The following CDC42SE2 variants were observed in gnomAD, a reference collection of about 807,000 sequenced individuals.
CDC42SE2 encodes CDC42 small effector protein 2.
CDC42SE2 carries 3 observed loss-of-function variants against 11.5 expected under a neutral mutation model. The ratio of observed to expected loss-of-function variants is 0.26; its 90% confidence interval spans 0.12 to 0.67. The LOEUF is 0.67. Among genes scored for constraint, CDC42SE2 ranks in the 30% least tolerant of loss-of-function variants. CDC42SE2 has a pLI of 0.80. For missense variants in CDC42SE2, 82 were observed against 106.8 expected, an observed-to-expected ratio of 0.77 and a Z score of 1.02; for synonymous variants, 33 against 34.8, an observed-to-expected ratio of 0.95 and a Z score of 0.18.
At chr5:131,230,922 T>C in the CDC42SE2 span, among the ~76,000 whole-genome samples, 1 of 152,236 alleles carries the variant, frequency 6.6e-6, no homozygotes, top group Non-Finnish European at 1.5e-5. Context: ...ATTTCTGCTA[T>C]AAAGCCTACT....
At chr5:131,214,164 TAAAG>T in the CDC42SE2 span, among the ~76,000 whole-genome samples, 1 of 152,224 alleles carries the variant, frequency 6.6e-6, no homozygotes, top group African/African-American at 2.4e-5. Flanking sequence ...TTTAGTGTCT[TAAAG>T]AAATAACCAG....
intron 1 of CDC42SE2, among the ~76,000 whole-genome samples, chr5:131,269,623 G>A (rs1200485970): frequency 6.6e-6 from 1 of 152,128 alleles, no homozygotes; most frequent in African/African-American, 2.4e-5. Context: ...AATTAGCCAA[G>A]CATGGTGGCA....
chr5:131,252,825 C>A (rs576906969), intron 1 of CDC42SE2, among the ~76,000 whole-genome samples: 2 of 152,214 alleles, frequency 1.3e-5, no homozygotes, highest in Non-Finnish European at 2.9e-5. Flanking sequence ...TATTCTTCTA[C>A]GCACAGAGAA....
At chr5:131,220,106 G>T in the CDC42SE2 span, among the ~76,000 whole-genome samples, 2 of 152,154 alleles carry the variant, frequency 1.3e-5, no homozygotes, top group Non-Finnish European at 2.9e-5. Flanking sequence ...ATACATGTAG[G>T]TTGTCAGCGC....
chr5:131,219,518 A>G, the CDC42SE2 span, among the ~76,000 whole-genome samples: 1 of 152,140 alleles, frequency 6.6e-6, no homozygotes, highest in African/African-American at 2.4e-5. Context: ...ACTTCCCTCT[A>G]TGATAGTGAA....
chr5:131,352,907 T>C (rs1054930086), intron 2 of CDC42SE2, among the ~76,000 whole-genome samples: 3 of 152,334 alleles, frequency 2.0e-5, no homozygotes, highest in African/African-American at 7.2e-5. Flanking sequence ...TCACTCGTAC[T>C]TAATTCTGTG....
chr5:131,279,523 TTTAC>T (rs1757191444), intron 1 of CDC42SE2, among the ~76,000 whole-genome samples: 1 of 151,150 alleles, frequency 6.6e-6, no homozygotes, highest in Non-Finnish European at 1.5e-5. Context: ...TTTTTCTGCT[TTTAC>T]TTATTACCCT....
At chr5:131,354,890 C>G (rs560079549) in intron 2 of CDC42SE2, 1 of 152,106 alleles carries the variant, frequency 6.6e-6, no homozygotes, top group East Asian at 1.9e-4. Flanking sequence ...GCTATGTTGC[C>G]TAGGCTAGTC....
At chr5:131,247,999 AT>A (rs1204403361) in intron 1 of CDC42SE2, among the ~76,000 whole-genome samples, 7 of 151,954 alleles carry the variant, frequency 4.6e-5, no homozygotes, top group Non-Finnish European at 1.0e-4. Flanking sequence ...ATTATTTACA[AT>A]TTTTTAAATA....
intron 3 of CDC42SE2, among the ~76,000 whole-genome samples, chr5:131,367,104 A>T (rs1749881824): frequency 6.6e-6 from 1 of 151,464 alleles, no homozygotes; most frequent in Admixed American, 6.6e-5. Context: ...AATCAAATAT[A>T]TATGTGTGTG....
At chr5:131,321,200 G>C (rs1758179385) in intron 2 of CDC42SE2, among the ~76,000 whole-genome samples, 1 of 152,080 alleles carries the variant, frequency 6.6e-6, no homozygotes, top group Non-Finnish European at 1.5e-5. Context: ...TGTAGCTTTT[G>C]GGTTTAGTTC....
At chr5:131,251,369 A>C (rs1756637353) in intron 1 of CDC42SE2, among the ~76,000 whole-genome samples, 1 of 152,210 alleles carries the variant, frequency 6.6e-6, no homozygotes, top group African/African-American at 2.4e-5. Flanking sequence ...TTTCAAGAAA[A>C]CTTTCATCTT....
the CDC42SE2 span, among the ~76,000 whole-genome samples, chr5:131,225,441 A>T: frequency 6.6e-6 from 1 of 152,346 alleles, no homozygotes; most frequent in South Asian, 2.1e-4. Flanking sequence ...TTTCTGAAAA[A>T]CAAACACAGA....
chr5:131,233,364 T>A, the CDC42SE2 span, among the ~76,000 whole-genome samples: 1 of 152,360 alleles, frequency 6.6e-6, no homozygotes, highest in African/African-American at 2.4e-5. Context: ...ATGTCTTTGC[T>A]ACTAAAAACA....
intron 4 of CDC42SE2, among the ~76,000 whole-genome samples, chr5:131,390,372 C>G (rs550403416): frequency 6.6e-6 from 1 of 152,052 alleles, no homozygotes; most frequent in Non-Finnish European, 1.5e-5. Flanking sequence ...AATTAAGATA[C>G]TTGAGGTTGA....
At chr5:131,239,061 CAGG>C in the CDC42SE2 span, among the ~76,000 whole-genome samples, 2 of 151,566 alleles carry the variant, frequency 1.3e-5, no homozygotes, top group South Asian at 4.2e-4. Flanking sequence ...GAGGCTGAGG[CAGG>C]AGAACCGCTT....
chr5:131,390,665 A>ACTGT (rs1385875452), intron 4 of CDC42SE2, among the ~76,000 whole-genome samples: 1 of 151,966 alleles, frequency 6.6e-6, no homozygotes. Flanking sequence ...ACAGAGCGAG[A>ACTGT]CTGTCTTAAA....
the CDC42SE2 span, among the ~76,000 whole-genome samples, chr5:131,221,860 T>G: frequency 3.9e-5 from 6 of 152,234 alleles, no homozygotes; most frequent in Non-Finnish European, 8.8e-5. Context: ...TTAGCTCTTT[T>G]CCATAGGTGA....
At chr5:131,285,674 A>C (rs893147891) in intron 1 of CDC42SE2, among the ~76,000 whole-genome samples, 8 of 152,226 alleles carry the variant, frequency 5.3e-5, no homozygotes, top group African/African-American at 1.9e-4. Context: ...TATGGTAGGC[A>C]ATTTGGTACT....
Sources: allele counts gnomAD v4.1 joint callset (sites outside exome capture counted in the v4.1 genomes callset), GRCh38; gene constraint gnomAD v4.1.1; transcripts MANE v1.5; gene names NCBI Gene and HGNC (gene_info 2026-07-23, HGNC 2026-07-21).